Variants in CDH8 observed in about 807,000 individuals in gnomAD.
CDH8 encodes cadherin 8, also known as cadherin-8.
Under a neutral mutation model 68.1 loss-of-function variants are expected in CDH8, and 17 were observed. That is an observed-to-expected ratio of 0.25 (90% CI 0.17 to 0.37). The LOEUF is 0.37. Among genes scored for constraint, CDH8 ranks in the 10% least tolerant of loss-of-function variants. The probability of loss-of-function intolerance (pLI) is 1.00; values close to 1 mark genes in which losing one functional copy is unlikely to be tolerated. For synonymous variants in CDH8, 372 were observed against 365.1 expected, an observed-to-expected ratio of 1.02 and a Z score of -0.21; for missense variants, 763 against 999.3, an observed-to-expected ratio of 0.76 and a Z score of 3.19.
intron 10 of CDH8, among the ~76,000 whole-genome samples, chr16:61,662,174 G>A (rs1439342442): frequency 1.4e-5 from 2 of 144,848 alleles, no homozygotes; most frequent in African/African-American, 5.1e-5. Context: ...ATAAGTGATA[G>A]TATCTTGGCT....
chr16:61,721,149 T>C (rs1159670290), intron 9 of CDH8, among the ~76,000 whole-genome samples: 1 of 150,798 alleles, frequency 6.6e-6, no homozygotes, highest in Non-Finnish European at 1.5e-5. Flanking sequence ...TCTGTCAAAC[T>C]TGTGCTCCAA....
chr16:62,001,470 C>T (rs1289972897), intron 2 of CDH8, among the ~76,000 whole-genome samples: 1 of 152,122 alleles, frequency 6.6e-6, no homozygotes, highest in East Asian at 1.9e-4. Context: ...TATTTCTTTT[C>T]AGGCTACCTC....
Position 61,647,631 on chromosome 16 carries a change from C to T in CDH8, c.*5977G>A. 1.9e-6 allele frequency: 1 copy of T among 528,270 alleles called. No homozygotes were observed. Among genetic ancestry groups the T allele is most frequent in the South Asian group, 2.6e-5 (1 of 39,184 alleles). The allele number at this position is 528,270 out of a possible 1,614,324, so 32.7% of individuals were successfully genotyped here. A position where few individuals can be genotyped will look rare whatever the true frequency, so the allele number is the denominator to read the frequency against. On this transcript the variant is annotated 3_prime_UTR_variant, in exon 12 of 12. Coordinates refer to ENST00000577390, the MANE Select transcript of CDH8 (RefSeq NM_001796.5). ...TAACATTTGGCTTTGGGGGGTGATC[C>T]CAATGACTCCTAAATTGTCATGGTC...
At chr16:61,717,266 T>G (rs1964748763) in intron 9 of CDH8, among the ~76,000 whole-genome samples, 1 of 151,630 alleles carries the variant, frequency 6.6e-6, no homozygotes, top group African/African-American at 2.4e-5. Flanking sequence ...TATGTCTTTA[T>G]TAGAGAAAAC....
intron 9 of CDH8, among the ~76,000 whole-genome samples, chr16:61,715,340 A>G (rs949348957): frequency 6.6e-6 from 1 of 151,662 alleles, no homozygotes; most frequent in Admixed American, 6.6e-5. Context: ...TTCCCAGATA[A>G]GATAAAAGTC....
At chr16:61,963,749 T>C (rs1288587081) in intron 2 of CDH8, among the ~76,000 whole-genome samples, 1 of 152,238 alleles carries the variant, frequency 6.6e-6, no homozygotes, top group Non-Finnish European at 1.5e-5. Flanking sequence ...AATCAAATAT[T>C]CCTCAATGTT....
At chr16:61,982,357 C>T (rs138523158) in intron 2 of CDH8, among the ~76,000 whole-genome samples, 3,000 of 152,124 alleles carry the variant, frequency 0.02, 96 homozygotes, top group African/African-American at 0.069. Flanking sequence ...GTAGCTGGGA[C>T]TACAGGCGCC....
chr16:61,768,164 C>T (rs956153971), intron 8 of CDH8, among the ~76,000 whole-genome samples: 1 of 151,848 alleles, frequency 6.6e-6, no homozygotes, highest in African/African-American at 2.4e-5. Context: ...ATAAAATAAT[C>T]ACCAAGTGAT....
intron 2 of CDH8, among the ~76,000 whole-genome samples, chr16:61,968,871 A>C (rs1965294922): frequency 6.6e-6 from 1 of 152,222 alleles, no homozygotes; most frequent in African/African-American, 2.4e-5. Flanking sequence ...GAAGCCTGAC[A>C]AGGTGCAGGC....
intron 2 of CDH8, among the ~76,000 whole-genome samples, chr16:61,911,950 AG>A (rs1299138698): frequency 2.0e-5 from 3 of 152,138 alleles, no homozygotes; most frequent in Admixed American, 2.0e-4. Flanking sequence ...AAATCCTGAC[AG>A]AATGTTATAT....
intron 2 of CDH8, among the ~76,000 whole-genome samples, chr16:61,934,680 A>G (rs1964600325): frequency 6.6e-6 from 1 of 152,150 alleles, no homozygotes. Flanking sequence ...CCCTGCCCCT[A>G]AATGGATTTA....
At chr16:61,922,054 T>C (rs1964378193) in intron 2 of CDH8, among the ~76,000 whole-genome samples, 1 of 151,910 alleles carries the variant, frequency 6.6e-6, no homozygotes, top group Admixed American at 6.6e-5. Flanking sequence ...GTCACATCGA[T>C]TCTAAGCCAC....
intron 2 of CDH8, among the ~76,000 whole-genome samples, chr16:61,999,243 A>G (rs530025475): frequency 2.0e-4 from 31 of 152,314 alleles, no homozygotes; most frequent in African/African-American, 6.5e-4. Context: ...TACAGATGAA[A>G]AATCTGAGCT....
At chr16:61,956,352 C>T (rs564991898) in intron 2 of CDH8, among the ~76,000 whole-genome samples, 2 of 152,288 alleles carry the variant, frequency 1.3e-5, no homozygotes, top group African/African-American at 4.8e-5. Flanking sequence ...AAGCACAAGC[C>T]TTACCTTATC....
At chr16:61,796,898 G>GGT (rs1270435069) in intron 7 of CDH8, among the ~76,000 whole-genome samples, 3 of 152,146 alleles carry the variant, frequency 2.0e-5, no homozygotes, top group Admixed American at 6.6e-5. Flanking sequence ...AAAATACACT[G>GGT]GTGTAGTGGT....
chr16:61,709,910 C>T (rs1964601435), intron 10 of CDH8, among the ~76,000 whole-genome samples: 1 of 152,032 alleles, frequency 6.6e-6, no homozygotes, highest in African/African-American at 2.4e-5. Context: ...GATGTTTTTG[C>T]AATGCATTCT....
chr16:61,841,384 T>A (rs1210497281), intron 4 of CDH8, among the ~76,000 whole-genome samples: 1 of 152,108 alleles, frequency 6.6e-6, no homozygotes, highest in Non-Finnish European at 1.5e-5. Flanking sequence ...ACAACATAGA[T>A]GGAACTGGAG....
At chr16:61,899,470 A>C (rs1385621240) in intron 3 of CDH8, among the ~76,000 whole-genome samples, 1 of 151,572 alleles carries the variant, frequency 6.6e-6, no homozygotes, top group African/African-American at 2.4e-5. Flanking sequence ...ATGAAAGACA[A>C]TGGAGGGAAG....
At chr16:61,722,238 C>A (rs1230884625) in intron 9 of CDH8, among the ~76,000 whole-genome samples, 6 of 150,780 alleles carry the variant, frequency 4.0e-5, no homozygotes, top group Non-Finnish European at 8.9e-5. Context: ...AGACTGCCTT[C>A]ATGCCCAGCT....
Sources: allele counts gnomAD v4.1 joint callset (sites outside exome capture counted in the v4.1 genomes callset), GRCh38; gene constraint gnomAD v4.1.1; transcripts MANE v1.5; gene names NCBI Gene and HGNC (gene_info 2026-07-23, HGNC 2026-07-21).